LINGO2: variants seen among roughly 807,000 people sequenced by gnomAD.
LINGO2 encodes the protein leucine rich repeat and Ig domain containing 2.
Under a neutral mutation model 30.6 loss-of-function variants are expected in LINGO2, and 14 were observed. The ratio of observed to expected loss-of-function variants is 0.46; its 90% CI spans 0.30 to 0.72. The LOEUF (loss-of-function observed/expected upper bound fraction) is 0.72, where lower values mean the gene tolerates loss of function less well. Ranked by LOEUF, LINGO2 falls within the 30% of genes least tolerant of loss-of-function variation. The pLI, the probability that LINGO2 is intolerant of heterozygous loss-of-function variation, is 0.07. For synonymous variants in LINGO2, 317 were observed against 288.5 expected, an observed-to-expected ratio of 1.10 and a Z score of -1.00; for missense variants, 729 against 751.7, an observed-to-expected ratio of 0.97 and a Z score of 0.35.
chr9:28,480,196 T>C (rs1825905498), intron 1 of LINGO2, among the ~76,000 whole-genome samples: 1 of 151,298 alleles, frequency 6.6e-6, no homozygotes, highest in Non-Finnish European at 1.5e-5. Flanking sequence ...GCCCAATGGG[T>C]TAGTATGGCT....
At chr9:29,195,183 A>C in the LINGO2 span, among the ~76,000 whole-genome samples, 1 of 152,164 alleles carries the variant, frequency 6.6e-6, no homozygotes, top group Non-Finnish European at 1.5e-5. Context: ...GGTTCCTATA[A>C]ATGGTCAATC....
chr9:28,917,449 G>A, the LINGO2 span, among the ~76,000 whole-genome samples: 1 of 151,370 alleles, frequency 6.6e-6, no homozygotes, highest in Non-Finnish European at 1.5e-5. Flanking sequence ...AGGTTTTTTT[G>A]GGTTTTTTTT....
intron 4 of LINGO2, among the ~76,000 whole-genome samples, chr9:28,228,249 A>G (rs1051195547): frequency 6.6e-6 from 1 of 152,040 alleles, no homozygotes; most frequent in Admixed American, 6.6e-5. Flanking sequence ...GAATACCTGT[A>G]TTTTATGACT....
intron 2 of LINGO2, among the ~76,000 whole-genome samples, chr9:28,460,193 T>C (rs1423462732): frequency 6.6e-6 from 1 of 152,156 alleles, no homozygotes; most frequent in Non-Finnish European, 1.5e-5. Context: ...TCTAACTCCC[T>C]GCAGTCTGGA....
At chr9:28,484,015 T>C (rs139002605) in intron 1 of LINGO2, among the ~76,000 whole-genome samples, 1 of 152,214 alleles carries the variant, frequency 6.6e-6, no homozygotes, top group African/African-American at 2.4e-5. Flanking sequence ...TATACCAGGC[T>C]AAGCTTTATC....
chr9:29,147,617 G>A, the LINGO2 span, among the ~76,000 whole-genome samples: 1 of 152,024 alleles, frequency 6.6e-6, no homozygotes, highest in South Asian at 2.1e-4. Context: ...ATAGGAATCA[G>A]TAATTATCTT....
intron 4 of LINGO2, among the ~76,000 whole-genome samples, chr9:28,032,221 C>T (rs1484448682): frequency 6.6e-6 from 1 of 152,012 alleles, no homozygotes; most frequent in Non-Finnish European, 1.5e-5. Flanking sequence ...AAAAATACAA[C>T]ATGATAAAAA....
chr9:28,896,983 C>T, the LINGO2 span, among the ~76,000 whole-genome samples: 129,419 of 152,052 alleles, frequency 0.85, 55,232 homozygotes, highest in Non-Finnish European at 0.89. Flanking sequence ...ATCACTAATA[C>T]GCAGCTTACA....
the LINGO2 span, among the ~76,000 whole-genome samples, chr9:29,018,801 T>C: frequency 6.6e-6 from 1 of 152,164 alleles, no homozygotes; most frequent in Non-Finnish European, 1.5e-5. Flanking sequence ...CTAAAAGATA[T>C]CTCAAGCAAA....
chr9:28,038,968 C>G (rs1052067841), intron 4 of LINGO2, among the ~76,000 whole-genome samples: 4 of 152,182 alleles, frequency 2.6e-5, no homozygotes, highest in African/African-American at 4.8e-5. Flanking sequence ...ATTTCCTTCT[C>G]TAGGTCTACA....
At chr9:28,909,716 CAT>C in the LINGO2 span, among the ~76,000 whole-genome samples, 1 of 151,994 alleles carries the variant, frequency 6.6e-6, no homozygotes, top group South Asian at 2.1e-4. Context: ...TGAGCAACTG[CAT>C]CACCTGATGA....
intron 4 of LINGO2, among the ~76,000 whole-genome samples, chr9:28,214,952 G>T (rs944415293): frequency 1.3e-5 from 2 of 151,632 alleles, no homozygotes; most frequent in African/African-American, 4.8e-5. Context: ...GCACCAGAGG[G>T]ATTAAATGAC....
At chr9:29,025,342 C>CT in the LINGO2 span, among the ~76,000 whole-genome samples, 132 of 151,536 alleles carry the variant, frequency 8.7e-4, no homozygotes, top group Non-Finnish European at 1.5e-3. Flanking sequence ...AACATTTGGC[C>CT]TTTTTTTTAA....
chr9:29,052,700 C>G, the LINGO2 span, among the ~76,000 whole-genome samples: 2 of 152,148 alleles, frequency 1.3e-5, no homozygotes, highest in African/African-American at 4.8e-5. Flanking sequence ...GAACAAACTC[C>G]TTGAGATTGG....
chr9:29,164,761 T>C, the LINGO2 span, among the ~76,000 whole-genome samples: 1 of 150,986 alleles, frequency 6.6e-6, no homozygotes, highest in African/African-American at 2.5e-5. Context: ...TATGCATATA[T>C]GCACGTGTGT....
chr9:28,099,052 A>G (rs565696768), intron 4 of LINGO2, among the ~76,000 whole-genome samples: 6 of 152,302 alleles, frequency 3.9e-5, no homozygotes, highest in African/African-American at 1.4e-4. Flanking sequence ...AATTCAAAAC[A>G]TTATGCTAAT....
intron 4 of LINGO2, among the ~76,000 whole-genome samples, chr9:28,259,968 C>T (rs1314937250): frequency 1.3e-5 from 2 of 151,810 alleles, no homozygotes; most frequent in Admixed American, 6.6e-5. Flanking sequence ...ACTATTTATT[C>T]CACAATTTTG....
chr9:28,930,054 A>G, the LINGO2 span, among the ~76,000 whole-genome samples: 1 of 152,118 alleles, frequency 6.6e-6, no homozygotes, highest in Admixed American at 6.5e-5. The surrounding 1 kb of genome is among the most constrained non-coding windows in gnomAD (Gnocchi z 4.2). Context: ...CTTTGCATCA[A>G]CTTCGAGGTC....
the LINGO2 span, among the ~76,000 whole-genome samples, chr9:29,131,766 C>T: frequency 6.6e-6 from 1 of 151,916 alleles, no homozygotes; most frequent in African/African-American, 2.4e-5. Context: ...ACCCAAAATG[C>T]ATCATATAAA....
Sources: allele counts gnomAD v4.1 joint callset (sites outside exome capture counted in the v4.1 genomes callset), GRCh38; gene constraint gnomAD v4.1.1; non-coding constraint Gnocchi (gnomAD v3.1); transcripts MANE v1.5; gene names NCBI Gene and HGNC (gene_info 2026-07-23, HGNC 2026-07-21).